Variants in CEP63 observed in about 807,000 individuals in gnomAD.
CEP63 encodes the protein centrosomal protein 63, also known as centrosomal protein of 63 kDa.
Under a neutral mutation model 89.1 loss-of-function variants are expected in CEP63, and 84 were observed. That is an observed-to-expected ratio of 0.94 (90% CI 0.79 to 1.13). The LOEUF (loss-of-function observed/expected upper bound fraction) is 1.13, where lower values mean the gene tolerates loss of function less well. CEP63 is among the 50% of genes most tolerant of loss of function. CEP63 has a pLI of 0.00. For missense variants in CEP63, 838 were observed against 813.3 expected, an observed-to-expected ratio of 1.03 and a Z score of -0.37; for synonymous variants, 267 against 272.5, an observed-to-expected ratio of 0.98 and a Z score of 0.20.
At chr3:134,775,175 G>A in the CEP63 span, among the ~76,000 whole-genome samples, 2 of 152,066 alleles carry the variant, frequency 1.3e-5, no homozygotes, top group Admixed American at 6.6e-5. Flanking sequence ...CTGTCACAGC[G>A]AGGTCCCTAT....
chr3:134,571,525 C>T (rs1459487586), intron 11 of CEP63, among the ~76,000 whole-genome samples: 2 of 152,088 alleles, frequency 1.3e-5, no homozygotes, highest in Non-Finnish European at 2.9e-5. Context: ...ACTAAAAATA[C>T]AAAAAATTAG....
intron 6 of CEP63, among the ~76,000 whole-genome samples, chr3:134,544,069 G>A (rs1952649652): frequency 6.6e-6 from 1 of 152,058 alleles, no homozygotes; most frequent in Non-Finnish European, 1.5e-5. Context: ...CTTATGGGAA[G>A]TTTTTAGCAT....
the CEP63 span, among the ~76,000 whole-genome samples, chr3:134,671,800 G>C: frequency 6.6e-6 from 1 of 152,144 alleles, no homozygotes; most frequent in African/African-American, 2.4e-5. Flanking sequence ...AAGGGTTTGA[G>C]CCCTTGCCCT....
intron 5 of CEP63, among the ~76,000 whole-genome samples, chr3:134,534,992 C>G (rs1480637625): frequency 6.6e-6 from 1 of 152,156 alleles, no homozygotes; most frequent in East Asian, 1.9e-4. Flanking sequence ...CATGCCCTCC[C>G]CCTTTTCTAC....
chr3:134,572,241 C>CT (rs942483675), intron 11 of CEP63, among the ~76,000 whole-genome samples: 76 of 152,244 alleles, frequency 5.0e-4, no homozygotes, highest in African/African-American at 1.5e-3. Flanking sequence ...AGAACTTAGT[C>CT]TTTTTTTAAA....
intron 11 of CEP63, among the ~76,000 whole-genome samples, chr3:134,570,909 A>C (rs1560072657): frequency 6.6e-6 from 1 of 152,244 alleles, no homozygotes; most frequent in Non-Finnish European, 1.5e-5. Context: ...CATGGAGGGC[A>C]GCAGGCAAAA....
At chr3:134,569,416 T>C (rs1303264038), downstream of CEP63, among the ~76,000 whole-genome samples, 1 of 152,154 alleles carries the variant, frequency 6.6e-6, no homozygotes, top group Non-Finnish European at 1.5e-5. Flanking sequence ...CCATTCCAAA[T>C]GGGAGAAATT....
In CEP63 at chr3:134,561,871, G is replaced by A; in HGVS notation, c.*336G>A. On this transcript the variant is annotated 3_prime_UTR_variant, in exon 15 of 15. Coordinates refer to ENST00000675561, the MANE Select transcript of CEP63 (RefSeq NM_001353108.3). Reference sequence around the variant, plus strand: ...TTGAAATAAGGATTTTATGATACATGTTGAAAATAAAGTAACTGCAGGAAC... The same window carrying A: ...TTGAAATAAGGATTTTATGATACATATTGAAAATAAAGTAACTGCAGGAAC... 9.4e-7 allele frequency: 1 copy of A among 1,066,936 alleles called. No individual in the cohort carries two copies. Among genetic ancestry groups the A allele is most frequent in the Non-Finnish European group, 1.1e-6 (1 of 879,166 alleles). 66.1% of individuals were successfully genotyped at this position (1,066,936 alleles called of 1,614,324 possible).
chr3:134,763,047 A>G, the CEP63 span, among the ~76,000 whole-genome samples: 5 of 152,170 alleles, frequency 3.3e-5, no homozygotes, highest in Admixed American at 6.5e-5. Flanking sequence ...ATCAGAGGGC[A>G]GGAGTAGTGG....
the CEP63 span, among the ~76,000 whole-genome samples, chr3:134,664,915 A>AT: frequency 6.6e-6 from 1 of 152,010 alleles, no homozygotes; most frequent in African/African-American, 2.4e-5. Flanking sequence ...CAGTGAAGAT[A>AT]TTTTTCTCAG....
intron 3 of CEP63, among the ~76,000 whole-genome samples, chr3:134,528,509 G>A (rs1949128667): frequency 6.6e-6 from 1 of 152,046 alleles, no homozygotes; most frequent in Admixed American, 6.6e-5. Context: ...TGTCTAACAT[G>A]TGATAGAGGG....
At chr3:134,751,311 G>A in the CEP63 span, among the ~76,000 whole-genome samples, 8 of 152,274 alleles carry the variant, frequency 5.3e-5, no homozygotes, top group East Asian at 5.8e-4. Flanking sequence ...TTTGGTTATC[G>A]TGAATAGTGC....
At chr3:134,612,137 C>G in the CEP63 span, among the ~76,000 whole-genome samples, 2 of 152,150 alleles carry the variant, frequency 1.3e-5, no homozygotes, top group African/African-American at 4.8e-5. Flanking sequence ...AGTTTTCTAG[C>G]CCCCGCCCTT....
At chr3:134,594,759 A>C in the CEP63 span, among the ~76,000 whole-genome samples, 1 of 152,200 alleles carries the variant, frequency 6.6e-6, no homozygotes, top group African/African-American at 2.4e-5. Context: ...TTGTTTTTGA[A>C]ATGACAAGGC....
chr3:134,532,867 G>T lies in CEP63; in HGVS notation c.408G>T (p.Arg136=). ...RGNTKNHRED[R]SEIERLTAKI... ...ATACCAAAAATCACAGGGAAGATCGGTCTGAAATTGAGAGGTTAACTGCAA... is the reference window on the plus strand; with the variant it reads ...ATACCAAAAATCACAGGGAAGATCGTTCTGAAATTGAGAGGTTAACTGCAA... Residue 136 remains arginine (R), a synonymous_variant, in exon 5 of 15, where the codon CGG becomes CGT. Transcript: ENST00000675561. 2 of 1,613,842 alleles carry T rather than the reference G, an allele frequency of 1.2e-6. No homozygotes were observed. Among genetic ancestry groups the T allele is most frequent in the Non-Finnish European group, 1.7e-6 (2 of 1,179,828 alleles).
the CEP63 span, among the ~76,000 whole-genome samples, chr3:134,691,408 A>G: frequency 6.8e-6 from 1 of 146,998 alleles, no homozygotes; most frequent in Non-Finnish European, 1.5e-5. Flanking sequence ...TGAGCCTAGG[A>G]GTTCGAGACC....
At chr3:134,626,583 T>A in the CEP63 span, among the ~76,000 whole-genome samples, 1 of 152,196 alleles carries the variant, frequency 6.6e-6, no homozygotes, top group Non-Finnish European at 1.5e-5. Context: ...TCGTCAGGGC[T>A]GCCACTGTCA....
At position 134,545,511 on chromosome 3, in the gene CEP63, G is replaced by GT; in HGVS notation, c.556-72dup. 2.9e-6 allele frequency: 3 copies of GT among 1,044,074 alleles called. No homozygotes were observed. In the South Asian group the frequency reaches 3.9e-5, roughly 14 times the overall value. The allele number at this position is 1,044,074 out of a possible 1,614,324, so 64.7% of individuals were successfully genotyped here. ...GCTTTATGTTTTTATGGAAATAATA[G>GT]TTTCATTTTAGTCTTATTCATTGAT... On this transcript the variant is annotated intron_variant, in intron 6 of 14. Transcript: ENST00000675561.
chr3:134,519,181 T>C (rs1198906582), intron 3 of CEP63, among the ~76,000 whole-genome samples: 1 of 152,100 alleles, frequency 6.6e-6, no homozygotes, highest in Non-Finnish European at 1.5e-5. Context: ...AGGAGTGCAG[T>C]TGCGTGATCT....
Sources: allele counts gnomAD v4.1 joint callset (sites outside exome capture counted in the v4.1 genomes callset), GRCh38; gene constraint gnomAD v4.1.1; transcripts MANE v1.5; gene names NCBI Gene and HGNC (gene_info 2026-07-23, HGNC 2026-07-21).